USH2A: variants seen among roughly 807,000 people sequenced by gnomAD.
USH2A encodes Usher syndrome 2A (autosomal recessive, mild).
A neutral mutation model predicts 538.9 loss-of-function variants in USH2A; 443 were observed. The ratio of observed to expected loss-of-function variants is 0.82; its 90% confidence interval spans 0.76 to 0.89. USH2A has a LOEUF of 0.89. USH2A is among the 40% of genes least tolerant of loss of function. The pLI is 0.00. For missense variants in USH2A, 6,633 were observed against 6,324.8 expected (o/e 1.05, Z -1.65); for synonymous variants, 2,413 against 2,273.5 (o/e 1.06, Z -1.75).
chr1:216,009,751 C>T (rs191645218), intron 32 of USH2A, among the ~76,000 whole-genome samples: 2,239 of 152,234 alleles, frequency 0.015, 45 homozygotes, highest in African/African-American at 0.049. Context: ...CCCTATAATC[C>T]TTTTATCACC....
At chr1:216,276,043 C>T (rs972173104) in intron 11 of USH2A, among the ~76,000 whole-genome samples, 1 of 152,102 alleles carries the variant, frequency 6.6e-6, no homozygotes, top group Non-Finnish European at 1.5e-5. Flanking sequence ...TCCAGCTGGG[C>T]ATGAGCTTTG....
At chr1:216,140,082 C>T (rs2033571300) in intron 21 of USH2A, among the ~76,000 whole-genome samples, 2 of 152,168 alleles carry the variant, frequency 1.3e-5, no homozygotes, top group African/African-American at 2.4e-5. Flanking sequence ...ATCTTTAATC[C>T]TTATCAAATG....
chr1:216,198,525 A>T lies in USH2A; in HGVS notation c.3871T>A (p.Ser1291Thr), dbSNP rs762646174. Residue 1291 changes from serine to threonine, a missense_variant, in exon 18 of 72, where the codon TCT becomes ACT. Transcript: ENST00000307340. ...CTCTGAAAAACTCGACTTTCCTCAG[A>T]TGTGGTTTCTTTAGTAGATCTCAGT... ...RRLRSTKETT[S>T]EESRVFQSSG... 6.2e-7 allele frequency: 1 copy of T among 1,613,882 alleles called. No individual in the cohort carries two copies. Among genetic ancestry groups the T allele is most frequent in the South Asian group, 1.1e-5 (1 of 91,040 alleles).
chr1:216,144,391 T>C (rs1032818286), intron 21 of USH2A, among the ~76,000 whole-genome samples: 1 of 151,918 alleles, frequency 6.6e-6, no homozygotes, highest in Admixed American at 6.5e-5. Flanking sequence ...GTATGGCTTT[T>C]CATGGAAAAA....
intron 35 of USH2A, among the ~76,000 whole-genome samples, chr1:215,983,835 T>A (rs1195038647): frequency 6.6e-6 from 1 of 152,196 alleles, no homozygotes; most frequent in Non-Finnish European, 1.5e-5. Flanking sequence ...CTAGCTAAGA[T>A]TCCTAGACCA....
intron 69 of USH2A, among the ~76,000 whole-genome samples, chr1:215,638,184 TCTC>T (rs1165701279): frequency 4.6e-5 from 7 of 152,320 alleles, no homozygotes; most frequent in African/African-American, 1.7e-4. Context: ...TCTTCTGATC[TCTC>T]CTCTAACTTC....
At chr1:215,964,863 G>T (rs540612370) in intron 37 of USH2A, among the ~76,000 whole-genome samples, 1 of 152,138 alleles carries the variant, frequency 6.6e-6, no homozygotes, top group East Asian at 1.9e-4. Context: ...TACTAAGATA[G>T]TTCAGAAATC....
intron 21 of USH2A, among the ~76,000 whole-genome samples, chr1:216,110,328 C>G (rs975087791): frequency 6.6e-6 from 1 of 152,030 alleles, no homozygotes; most frequent in African/African-American, 2.4e-5. Context: ...TAGTGAGACC[C>G]TGTCTCTAAA....
chr1:216,355,893 T>C (rs747396483), intron 4 of USH2A, among the ~76,000 whole-genome samples: 6 of 152,116 alleles, frequency 3.9e-5, no homozygotes, highest in Non-Finnish European at 8.8e-5. Flanking sequence ...ATAAACTTAA[T>C]AACTAAATTA....
intron 64 of USH2A, among the ~76,000 whole-genome samples, chr1:215,667,413 A>AT (rs1657641955): frequency 6.6e-6 from 1 of 152,104 alleles, no homozygotes; most frequent in Non-Finnish European, 1.5e-5. Context: ...ATTTCTCCAG[A>AT]TATTTCCTGA....
At chr1:215,683,810 G>C (rs1458896398) in intron 61 of USH2A, among the ~76,000 whole-genome samples, 1 of 150,486 alleles carries the variant, frequency 6.6e-6, no homozygotes, top group Non-Finnish European at 1.5e-5. Context: ...CCCCTTTATT[G>C]CCATTATTTT....
At chr1:215,851,608 G>A (rs543685156) in intron 44 of USH2A, among the ~76,000 whole-genome samples, 8 of 152,176 alleles carry the variant, frequency 5.3e-5, no homozygotes, top group African/African-American at 1.9e-4. Flanking sequence ...TCTATCAGAT[G>A]TTCAAAGAAG....
At chr1:216,298,342 A>T (rs921447333) in intron 9 of USH2A, among the ~76,000 whole-genome samples, 13 of 152,184 alleles carry the variant, frequency 8.5e-5, no homozygotes. Context: ...CTAGGAAGAC[A>T]TTTTTGCTTT....
At chr1:215,871,234 C>T (rs571712646) in intron 43 of USH2A, among the ~76,000 whole-genome samples, 42 of 152,160 alleles carry the variant, frequency 2.8e-4, no homozygotes, top group Admixed American at 1.6e-3. Flanking sequence ...GGTAATTTTC[C>T]TCATAAAAAA....
intron 21 of USH2A, among the ~76,000 whole-genome samples, chr1:216,165,984 C>T (rs1466483443): frequency 6.6e-6 from 1 of 151,932 alleles, no homozygotes; most frequent in Non-Finnish European, 1.5e-5. Context: ...CCCTGAGTCC[C>T]CAAAGTCCAT....
At chr1:215,939,644 G>A (rs1337489265) in intron 37 of USH2A, among the ~76,000 whole-genome samples, 1 of 152,098 alleles carries the variant, frequency 6.6e-6, no homozygotes, top group African/African-American at 2.4e-5. Context: ...ATGCGTAAAT[G>A]ATTGCTGTCT....
intron 21 of USH2A, among the ~76,000 whole-genome samples, chr1:216,125,338 A>G (rs2033228967): frequency 6.6e-6 from 1 of 152,124 alleles, no homozygotes; most frequent in African/African-American, 2.4e-5. Flanking sequence ...CTATCAGTGA[A>G]TCGCTATTAG....
chr1:215,657,798 T>C (rs1222846074), intron 64 of USH2A, among the ~76,000 whole-genome samples: 2 of 152,196 alleles, frequency 1.3e-5, no homozygotes. Context: ...GAATTGGGTG[T>C]CTTGTCGCTA....
intron 21 of USH2A, among the ~76,000 whole-genome samples, chr1:216,157,026 A>C (rs2033960347): frequency 6.6e-6 from 1 of 151,978 alleles, no homozygotes; most frequent in Admixed American, 6.6e-5. Flanking sequence ...GGCACACACC[A>C]CCATGCCCAG....
Sources: allele counts gnomAD v4.1 joint callset (sites outside exome capture counted in the v4.1 genomes callset), GRCh38; gene constraint gnomAD v4.1.1; transcripts MANE v1.5; gene names NCBI Gene and HGNC (gene_info 2026-07-23, HGNC 2026-07-21).